DBX2: variants seen among roughly 807,000 people sequenced by gnomAD.
DBX2 encodes homeobox protein DBX2.
In DBX2, 16 loss-of-function variants were observed where a neutral mutation model predicts 17.7. The ratio of observed to expected loss-of-function variants is 0.90; its 90% CI spans 0.61 to 1.37. The LOEUF (loss-of-function observed/expected upper bound fraction) is 1.37. DBX2 is among the 40% of genes most tolerant of loss of function. DBX2 has a pLI of 0.00. For missense variants in DBX2, 538 were observed against 433.8 expected (o/e 1.24, Z -2.13); for synonymous variants, 255 against 183.8 (o/e 1.39, Z -3.13).
In DBX2 at chr12:45,016,591, T is replaced by C; in HGVS notation, c.715A>G (p.Met239Val). The C allele has an allele frequency of 6.5e-7, 1 of 1,533,516 alleles. No individual in the cohort carries two copies. The highest frequency in any genetic ancestry group is 8.7e-7 in the Non-Finnish European group (1 of 1,143,180). 95.0% of individuals were successfully genotyped at this position (1,533,516 alleles called of 1,614,324 possible). A position where few individuals can be genotyped will look rare whatever the true frequency, so the allele number is the denominator to read the frequency against. ...QVKIWFQNRR[M>V]KWRNSKEKEV... ...TTTTCTTTGGAATTCCGCCATTTCATCCTCCTGTTCTGAAACCAAATTTTC... is the reference window on the plus strand; with the variant it reads ...TTTTCTTTGGAATTCCGCCATTTCACCCTCCTGTTCTGAAACCAAATTTTC... Residue 239 changes from methionine to valine, a missense_variant, in exon 4 of 4, where the codon ATG (methionine) becomes GTG (valine). By Grantham distance (21) the Met-to-Val change is conservative (BLOSUM62 1). Transcript: ENST00000332700.
rs959831604 is a variant in DBX2, at chr12:45,016,099, T to C, written c.*187A>G. On this transcript the variant is annotated 3_prime_UTR_variant, in exon 4 of 4. Coordinates refer to ENST00000332700, the MANE Select transcript of DBX2 (RefSeq NM_001004329.3). Reference sequence around the variant, plus strand: ...TACTTGCTGGGAGATTCTATTCCACTTACAAATTAAGCCTGAGTCTAGGGC... The same window carrying C: ...TACTTGCTGGGAGATTCTATTCCACCTACAAATTAAGCCTGAGTCTAGGGC... 5.7e-6 allele frequency: 3 copies of C among 524,662 alleles called. No individual in the cohort carries two copies. The highest frequency in any genetic ancestry group is 6.2e-6 in the Non-Finnish European group (2 of 320,392). 32.5% of individuals were successfully genotyped at this position (524,662 alleles called of 1,614,324 possible). A position where few individuals can be genotyped will look rare whatever the true frequency, so the allele number is the denominator to read the frequency against.
At chr12:45,034,538 G>A (rs933633053) in intron 2 of DBX2, among the ~76,000 whole-genome samples, 2 of 152,098 alleles carry the variant, frequency 1.3e-5, no homozygotes, top group Admixed American at 1.3e-4. Flanking sequence ...CTAGTTAAAT[G>A]GACAATTAAT....
chr12:45,024,657 C>T (rs541896376), intron 2 of DBX2, among the ~76,000 whole-genome samples: 3 of 152,292 alleles, frequency 2.0e-5, no homozygotes, highest in Non-Finnish European at 2.9e-5. Flanking sequence ...CAATATTACA[C>T]ATTGAGAAAT....
At chr12:45,017,484 A>G (rs1946330074) in intron 3 of DBX2, among the ~76,000 whole-genome samples, 1 of 152,142 alleles carries the variant, frequency 6.6e-6, no homozygotes, top group Non-Finnish European at 1.5e-5. Flanking sequence ...AAACAATCAG[A>G]CCTCATCAGG....
At chr12:45,035,801 G>A (rs1204423559) in intron 2 of DBX2, among the ~76,000 whole-genome samples, 2 of 151,760 alleles carry the variant, frequency 1.3e-5, no homozygotes, top group African/African-American at 2.4e-5. Context: ...GTGATGTGTC[G>A]GCCCTGGGTT....
At chr12:45,048,639 T>A (rs375162916) in intron 1 of DBX2, among the ~76,000 whole-genome samples, 3 of 152,190 alleles carry the variant, frequency 2.0e-5, no homozygotes, top group South Asian at 2.1e-4. Flanking sequence ...TAAATCAATA[T>A]AAATTCTGGT....
At position 45,050,762 on chromosome 12, in the gene DBX2, G is replaced by A; in HGVS notation, c.166C>T (p.Pro56Ser). The A allele has an allele frequency of 6.6e-6, 10 of 1,506,400 alleles. No homozygotes were observed. Among genetic ancestry groups the A allele is most frequent in the Non-Finnish European group, 8.9e-6 (10 of 1,128,616 alleles). The allele number at this position is 1,506,400 out of a possible 1,614,324, so 93.3% of individuals were successfully genotyped here. ...VGGAPTPRLQ[P>S]PAPHDPATAL... ...GTCGCCGGGTCGTGGGGCGCGGGCGGCTGCAGCCTGGGCGTTGGGGCGCCC... is the reference window on the plus strand; with the variant it reads ...GTCGCCGGGTCGTGGGGCGCGGGCGACTGCAGCCTGGGCGTTGGGGCGCCC... Residue 56 changes from proline (P) to serine (S), a missense_variant, in exon 1 of 4, where the codon CCG (proline) becomes TCG (serine). Physicochemically the swap from Pro to Ser is moderately conservative, Grantham distance 74. Coordinates refer to ENST00000332700, the MANE Select transcript of DBX2 (RefSeq NM_001004329.3).
chr12:45,019,702 G>T (rs1182030377), intron 3 of DBX2, among the ~76,000 whole-genome samples: 1 of 152,048 alleles, frequency 6.6e-6, no homozygotes, highest in Non-Finnish European at 1.5e-5. Context: ...ATGATGGTCT[G>T]TTATGAAAGA....
intron 3 of DBX2, among the ~76,000 whole-genome samples, chr12:45,020,675 G>GGATA (rs1946346877): frequency 6.8e-6 from 1 of 146,010 alleles, no homozygotes; most frequent in African/African-American, 2.5e-5. Context: ...GTATATATAT[G>GGATA]TATATATATA....
rs769497680 is a variant in DBX2, at chr12:45,023,739, G to C, written c.655C>G (p.Leu219Val). ...TCCTTTAGTCCCAAGTTGATGGCAA[G>C]TTTCTTTCGGTCTGTTTTGCTGATA... ...KYISKTDRKKLAINLGLKESQ... is the reference protein window; with the variant it reads ...KYISKTDRKKVAINLGLKESQ... Residue 219 changes from leucine (L) to valine (V), a missense_variant, in exon 3 of 4, where the codon CTT becomes GTT. Physicochemically the swap from Leu to Val is conservative, Grantham distance 32 (BLOSUM62 1). Coordinates refer to ENST00000332700, the MANE Select transcript of DBX2 (RefSeq NM_001004329.3). 19 of 1,613,946 alleles carry C rather than the reference G, an allele frequency of 1.2e-5. No homozygotes were observed. The highest frequency in any genetic ancestry group is 1.6e-5 in the Non-Finnish European group (19 of 1,180,018).
At chr12:45,030,606 C>G (rs2137024024) in intron 2 of DBX2, among the ~76,000 whole-genome samples, 1 of 152,206 alleles carries the variant, frequency 6.6e-6, no homozygotes, top group East Asian at 1.9e-4. Context: ...TGCTCGCAAC[C>G]TGGGCTACCC....
At chr12:45,033,250 A>T (rs1195676422) in intron 2 of DBX2, among the ~76,000 whole-genome samples, 1 of 152,254 alleles carries the variant, frequency 6.6e-6, no homozygotes, top group East Asian at 1.9e-4. Context: ...TGCTGGTCTG[A>T]TCCTACTCTT....
chr12:45,047,613 A>T (rs931972102), intron 1 of DBX2, among the ~76,000 whole-genome samples: 1 of 152,126 alleles, frequency 6.6e-6, no homozygotes, highest in Non-Finnish European at 1.5e-5. Context: ...CCACCTTTCA[A>T]ATATATTTCA....
Position 45,050,497 on chromosome 12 carries a change from C to T in DBX2, c.403+28G>A, listed in dbSNP as rs959869276. ...ACCCGGCCTGGGGGCGCGGGCGCGG[C>T]TGGGGAGGGAGGGGAGAGCTGGCTC... is the stretch of plus-strand genomic sequence containing the variant. On this transcript the variant is annotated intron_variant, in intron 1 of 3. Transcript: ENST00000332700. The T allele has an allele frequency of 4.5e-6, 7 of 1,543,374 alleles. No individual in the cohort carries two copies. In the African/African-American group the frequency reaches 8.3e-5, roughly 18 times the overall value.
At chr12:45,049,572 A>G (rs1369262637) in intron 1 of DBX2, among the ~76,000 whole-genome samples, 1 of 152,152 alleles carries the variant, frequency 6.6e-6, no homozygotes, top group African/African-American at 2.4e-5. Flanking sequence ...TTGCTGGGAC[A>G]ATGGAAACTG....
chr12:45,036,233 T>G (rs1946440433), intron 1 of DBX2, 119 bp from the exon 2 acceptor site: 1 of 900,270 alleles, frequency 1.1e-6, no homozygotes, highest in Non-Finnish European at 1.6e-6. Flanking sequence ...TGTATTGAAA[T>G]TAAAGTTATT....
chr12:45,029,342 A>C (rs1247579463), intron 2 of DBX2, among the ~76,000 whole-genome samples: 1 of 152,220 alleles, frequency 6.6e-6, no homozygotes, highest in African/African-American at 2.4e-5. Context: ...AACTACATGC[A>C]TTATGTCATG....
chr12:45,045,010 T>C (rs926527427), intron 1 of DBX2, among the ~76,000 whole-genome samples: 2 of 152,160 alleles, frequency 1.3e-5, no homozygotes, highest in Admixed American at 6.5e-5. Flanking sequence ...AAGTATGTTA[T>C]ATGTTAAGGC....
chr12:45,026,210 G>C (rs974400671), intron 2 of DBX2, among the ~76,000 whole-genome samples: 2 of 152,118 alleles, frequency 1.3e-5, no homozygotes, highest in Admixed American at 6.5e-5. Context: ...TGCTTAGCTT[G>C]CTTTTTACCT....
Sources: gnomAD v4.1 joint callset for allele counts (sites outside exome capture counted in the v4.1 genomes callset) on GRCh38, gnomAD v4.1.1 for gene constraint, MANE v1.5 for transcripts, NCBI Gene and HGNC (gene_info 2026-07-23, HGNC 2026-07-21) for gene names.